GRM7: variants seen among roughly 807,000 people sequenced by gnomAD.
GRM7 encodes the protein glutamate metabotropic receptor 7.
Under a neutral mutation model 84.5 loss-of-function variants are expected in GRM7, and 35 were observed. The observed-to-expected ratio is 0.41, with a 90% CI of 0.32 to 0.55. The LOEUF is 0.55. Ranked by LOEUF, GRM7 falls within the 20% of genes least tolerant of loss-of-function variation. GRM7 has a pLI of 0.19. For synonymous variants in GRM7, 487 were observed against 455.1 expected (o/e 1.07, Z -0.89); for missense variants, 1,003 against 1,194.6 (o/e 0.84, Z 2.36).
chr3:7,217,789 T>A (rs1696664535), intron 2 of GRM7, among the ~76,000 whole-genome samples: 1 of 151,034 alleles, frequency 6.6e-6, no homozygotes. Context: ...TTGTTCATAT[T>A]GACATAGGGA....
intron 1 of GRM7, among the ~76,000 whole-genome samples, chr3:6,967,264 C>T (rs1029922009): frequency 1.3e-5 from 2 of 152,172 alleles, no homozygotes; most frequent in African/African-American, 2.4e-5. Flanking sequence ...TCACAGCTCA[C>T]TCACTGCAGC....
chr3:7,229,750 TATATA>T lies in GRM7; in HGVS notation c.737-68933_737-68929del, dbSNP rs1697115657. Reference sequence around the variant, plus strand: ...ACATATATATATATATATATATATATATATATATATTTTTTTTTTTTTTTGGTTGA... The same window carrying T: ...ACATATATATATATATATATATATATTATATTTTTTTTTTTTTTTGGTTGA... On this transcript the variant is annotated intron_variant, in intron 2 of 9. Transcript: ENST00000357716. 8.3e-5 allele frequency among the ~76,000 whole-genome samples: 3 copies of T among 36,308 alleles called. 1 individual carries two copies. The highest frequency in any genetic ancestry group is 1.8e-4 in the Non-Finnish European group (3 of 16,942). The allele number at this position is 36,308 out of a possible 152,430, so 23.8% of individuals were successfully genotyped here.
chr3:7,421,671 T>C (rs1056746926), intron 5 of GRM7, among the ~76,000 whole-genome samples: 22 of 151,878 alleles, frequency 1.4e-4, no homozygotes, highest in Admixed American at 5.9e-4. Context: ...GTAGTGAAGA[T>C]GTGAAGGCTA....
intron 1 of GRM7, among the ~76,000 whole-genome samples, chr3:7,113,665 T>A (rs1115022): frequency 0.27 from 40,989 of 152,020 alleles, 5,778 homozygotes; most frequent in African/African-American, 0.33. Context: ...ATTTTTGTAT[T>A]TTGTCATTGT....
intron 4 of GRM7, among the ~76,000 whole-genome samples, chr3:7,356,093 A>G (rs897855970): frequency 1.1e-4 from 16 of 152,132 alleles, no homozygotes; most frequent in Admixed American, 9.8e-4. Flanking sequence ...AGAAATGATC[A>G]GACACATGTG....
At chr3:6,878,378 C>CGT (rs34132725) in intron 1 of GRM7, among the ~76,000 whole-genome samples, 9,782 of 141,872 alleles carry the variant, frequency 0.069, 354 homozygotes, top group African/African-American at 0.073. Context: ...TATGTGTTTG[C>CGT]GTGTGTGTGT....
intron 4 of GRM7, among the ~76,000 whole-genome samples, chr3:7,362,493 T>C (rs902095213): frequency 6.6e-6 from 1 of 151,800 alleles, no homozygotes; most frequent in Non-Finnish European, 1.5e-5. Flanking sequence ...AGAAAAATCT[T>C]TTTTTTTCCC....
At chr3:7,008,958 T>TTC (rs1695276836) in intron 1 of GRM7, among the ~76,000 whole-genome samples, 1 of 152,204 alleles carries the variant, frequency 6.6e-6, no homozygotes. Context: ...TCATAAAATG[T>TTC]ATGTGAGGCT....
chr3:7,718,299 A>G (rs1253928415), intron 9 of GRM7, among the ~76,000 whole-genome samples: 1 of 152,106 alleles, frequency 6.6e-6, no homozygotes, highest in South Asian at 2.1e-4. Context: ...TTCCCTTCCC[A>G]TTTTAAATAG....
Position 7,365,397 on chromosome 3 carries a change from A to G in GRM7, c.1034-49626A>G, listed in dbSNP as rs549455149. Among the ~76,000 whole-genome samples, 51 of 151,794 alleles carry G rather than the reference A, an allele frequency of 3.4e-4. No individual in the cohort carries two copies. The South Asian group carries it at 9.7e-3, about 29-fold the overall frequency. On this transcript the variant is annotated intron_variant, in intron 4 of 9. Coordinates refer to ENST00000357716, the MANE Select transcript of GRM7 (RefSeq NM_000844.4). ...TCTCTCCATCTCCATGCCTAGTTACATAACTTTGATTTTCTCTTCTGTTTA... is the reference window on the plus strand; with the variant it reads ...TCTCTCCATCTCCATGCCTAGTTACGTAACTTTGATTTTCTCTTCTGTTTA...
intron 1 of GRM7, among the ~76,000 whole-genome samples, chr3:6,899,860 C>A (rs1433705097): frequency 1.3e-5 from 2 of 152,062 alleles, no homozygotes; most frequent in African/African-American, 4.8e-5. Context: ...AGTTAAGGGG[C>A]TTTTATCCAA....
chr3:7,598,684 T>C (rs1417329367), intron 8 of GRM7, among the ~76,000 whole-genome samples: 1 of 152,218 alleles, frequency 6.6e-6, no homozygotes, highest in African/African-American at 2.4e-5. Context: ...CTTAAGCTTT[T>C]GAAAATCCTA....
At chr3:6,890,976 C>T (rs1416771223) in intron 1 of GRM7, among the ~76,000 whole-genome samples, 1 of 152,102 alleles carries the variant, frequency 6.6e-6, no homozygotes, top group Non-Finnish European at 1.5e-5. Context: ...GATCCCTTTA[C>T]CATTATGTAA....
At chr3:7,163,435 A>T (rs1423396421) in intron 2 of GRM7, among the ~76,000 whole-genome samples, 1 of 152,216 alleles carries the variant, frequency 6.6e-6, no homozygotes, top group African/African-American at 2.4e-5. Flanking sequence ...CCCAAGAAAG[A>T]GAAAAATTTT....
At chr3:6,984,848 C>T (rs13317247) in intron 1 of GRM7, among the ~76,000 whole-genome samples, 24,899 of 152,086 alleles carry the variant, frequency 0.16, 2,135 homozygotes, top group Non-Finnish European at 0.19. Context: ...AAGCTTTTTC[C>T]CATTGGAACT....
chr3:7,084,043 G>C (rs1374188805), intron 1 of GRM7, among the ~76,000 whole-genome samples: 1 of 152,086 alleles, frequency 6.6e-6, no homozygotes, highest in African/African-American at 2.4e-5. Flanking sequence ...ATAGAATTCA[G>C]TTTCTTCTCT....
At chr3:7,632,304 G>A (rs186674652) in intron 8 of GRM7, among the ~76,000 whole-genome samples, 71 of 152,278 alleles carry the variant, frequency 4.7e-4, no homozygotes, top group Middle Eastern at 3.4e-3. Flanking sequence ...GGAATGGAGT[G>A]GGCATGAGTA....
intron 8 of GRM7, among the ~76,000 whole-genome samples, chr3:7,579,713 G>T (rs942804951): frequency 7.2e-6 from 1 of 139,790 alleles, no homozygotes; most frequent in Admixed American, 6.8e-5. Flanking sequence ...GGTAGGAAAA[G>T]AGGAGCATAG....
At chr3:7,634,890 G>A (rs1339303866) in intron 8 of GRM7, among the ~76,000 whole-genome samples, 1 of 152,006 alleles carries the variant, frequency 6.6e-6, no homozygotes, top group Non-Finnish European at 1.5e-5. Flanking sequence ...ACCCACAAAA[G>A]CCAACAGAAG....
Sources: allele counts gnomAD v4.1 joint callset (sites outside exome capture counted in the v4.1 genomes callset), GRCh38; gene constraint gnomAD v4.1.1; transcripts MANE v1.5; gene names NCBI Gene and HGNC (gene_info 2026-07-23, HGNC 2026-07-21).